OR4K17: variants seen among roughly 807,000 people sequenced by gnomAD.
OR4K17 encodes olfactory receptor family 4 subfamily K member 17, also known as olfactory receptor 4K17.
For synonymous variants in OR4K17, 157 were observed against 132.8 expected, an observed-to-expected ratio of 1.18 and a Z score of -1.25; for missense variants, 480 against 366.3, an observed-to-expected ratio of 1.31 and a Z score of -2.53.
Position 20,117,594 on chromosome 14 carries a change from C to A in OR4K17, c.95C>A (p.Ser32Ter), listed in dbSNP as rs150087607. The change falls in exon 2 of 2, where the codon TCG (serine) becomes TAG (stop). Residue 32 changes from serine (S) to a stop codon, truncating the protein, a stop_gained. Transcript: ENST00000641386. LOFTEE classifies it low-confidence loss of function (END_TRUNC). ...GAGTTTCTTCTCTTTGCCCTCTTCT[C>A]GGTTATCTATGTGGTCACAGTTTTG... ...DVEFLLFALF[S>*]VIYVVTVLGN... 6.2e-7 allele frequency: 1 copy of A among 1,613,898 alleles called. No homozygotes were observed. Among genetic ancestry groups the A allele is most frequent in the South Asian group, 1.1e-5 (1 of 91,042 alleles).
In OR4K17 at chr14:20,122,166, T is replaced by A. The variant is rs1461632115; in HGVS notation, c.*3728T>A. ...AATTATCTGAACAAAAGACACAGAG[T>A]GGCTAAATGAATAAAAAGATAAAAC... On this transcript the variant is annotated 3_prime_UTR_variant, in exon 2 of 2. Coordinates refer to ENST00000641386, the MANE Select transcript of OR4K17 (RefSeq NM_001004715.5). 1 of 151,876 alleles carries A rather than the reference T, an allele frequency of 6.6e-6. No individual in the cohort carries two copies. The highest frequency in any genetic ancestry group is 2.4e-5 in the African/African-American group (1 of 41,396). 9.4% of individuals were successfully genotyped at this position (151,876 alleles called of 1,614,324 possible).
At chr14:20,111,576 G>A (rs1045251476) in intron 1 of OR4K17, among the ~76,000 whole-genome samples, 1 of 152,094 alleles carries the variant, frequency 6.6e-6, no homozygotes, top group Non-Finnish European at 1.5e-5. Context: ...GAGCATGTAA[G>A]CATTTTTATC....
chr14:20,112,990 A>C (rs550555985), intron 1 of OR4K17, among the ~76,000 whole-genome samples: 22 of 152,170 alleles, frequency 1.4e-4, no homozygotes, highest in African/African-American at 4.6e-4. Flanking sequence ...TAAACTATGA[A>C]GATCAGATCA....
At chr14:20,113,843 T>C (rs1385933944) in intron 1 of OR4K17, among the ~76,000 whole-genome samples, 1 of 145,370 alleles carries the variant, frequency 6.9e-6, no homozygotes, top group Non-Finnish European at 1.5e-5. Context: ...AACATAAATA[T>C]AAACAAGAGA....
chr14:20,111,114 A>G (rs1877874086), intron 1 of OR4K17, among the ~76,000 whole-genome samples: 1 of 152,094 alleles, frequency 6.6e-6, no homozygotes, highest in Non-Finnish European at 1.5e-5. Context: ...TTCCTAGTAC[A>G]GAGTCCAGCA....
chr14:20,112,891 G>C (rs540147426), intron 1 of OR4K17, among the ~76,000 whole-genome samples: 34 of 152,144 alleles, frequency 2.2e-4, no homozygotes, highest in Non-Finnish European at 4.1e-4. Context: ...TGAATCCTGT[G>C]AAATAATGAT....
chr14:20,117,739 G>C lies in OR4K17; in HGVS notation c.240G>C (p.Lys80Asn). The change falls in exon 2 of 2, where the codon AAG becomes AAC. Residue 80 changes from lysine to asparagine, a missense_variant. Coordinates refer to ENST00000641386, the MANE Select transcript of OR4K17 (RefSeq NM_001004715.5). ...DMTLASFATP[K>N]VILNLLKKQK... ...CCCTTGCTTCTTTTGCCACCCCTAAGGTGATTCTGAACTTGTTAAAAAAGC... is the reference window on the plus strand; with the variant it reads ...CCCTTGCTTCTTTTGCCACCCCTAACGTGATTCTGAACTTGTTAAAAAAGC... 1.2e-6 allele frequency: 2 copies of C among 1,613,934 alleles called. No homozygotes were observed. Among genetic ancestry groups the C allele is most frequent in the South Asian group, 2.2e-5 (2 of 91,072 alleles).
intron 1 of OR4K17, among the ~76,000 whole-genome samples, chr14:20,114,341 C>A (rs1047856381): frequency 2.6e-5 from 4 of 151,840 alleles, no homozygotes; most frequent in Non-Finnish European, 5.9e-5. Context: ...CTCCTCTTCC[C>A]AGGAAATTTA....
At position 20,117,799 on chromosome 14, in the gene OR4K17, G is replaced by T. The variant is rs143881831; in HGVS notation, c.300G>T (p.Gln100His). ...KVISFAGCFT[Q>H]IFLLHLLGGV... Reference sequence around the variant, plus strand: ...TTTCTTTTGCTGGGTGCTTCACTCAGATATTTCTCCTTCACTTACTGGGTG... The same window carrying T: ...TTTCTTTTGCTGGGTGCTTCACTCATATATTTCTCCTTCACTTACTGGGTG... The change falls in exon 2 of 2, where the codon CAG becomes CAT. Residue 100 changes from glutamine (Q) to histidine (H), a missense_variant. Gln to His is a conservative substitution (Grantham distance 24). Transcript: ENST00000641386. The T allele has an allele frequency of 3.0e-5, 48 of 1,614,118 alleles. No homozygotes were observed. The East Asian group carries it at 8.9e-4, about 30-fold the overall frequency.
chr14:20,113,980 G>A (rs373809413), intron 1 of OR4K17, among the ~76,000 whole-genome samples: 28 of 152,098 alleles, frequency 1.8e-4, no homozygotes, highest in African/African-American at 5.5e-4. Context: ...AAGTACTATA[G>A]CAAGCAAGTG....
intron 1 of OR4K17, among the ~76,000 whole-genome samples, chr14:20,111,234 A>G (rs377518624): frequency 6.6e-6 from 1 of 152,046 alleles, no homozygotes; most frequent in Non-Finnish European, 1.5e-5. Flanking sequence ...AAACTAAAAT[A>G]GTTCACAAAC....
intron 1 of OR4K17, among the ~76,000 whole-genome samples, chr14:20,117,240 G>C (rs1445656269): frequency 1.3e-5 from 2 of 152,166 alleles, no homozygotes; most frequent in Non-Finnish European, 2.9e-5. Flanking sequence ...TCCAGAGCTT[G>C]TGGTTTGCTT....
intron 1 of OR4K17, among the ~76,000 whole-genome samples, chr14:20,114,357 A>G (rs1159950567): frequency 6.6e-6 from 1 of 151,990 alleles, no homozygotes; most frequent in Admixed American, 6.6e-5. Context: ...ATTTAGTTTT[A>G]CATATTGCAT....
In OR4K17 at chr14:20,117,625, C is replaced by A. The variant is rs558231474; in HGVS notation, c.126C>A (p.Asn42Lys). ...TCTATGTGGTCACAGTTTTGGGTAA[C>A]CTTCTTATTATAGTCACAGTGTTTA... Reference protein sequence around the residue: ...SVIYVVTVLGNLLIIVTVFNT... With the variant: ...SVIYVVTVLGKLLIIVTVFNT... The change falls in exon 2 of 2, where the codon AAC becomes AAA. Residue 42 changes from asparagine (N) to lysine (K), a missense_variant. Transcript: ENST00000641386. 8 of 1,613,788 alleles carry A rather than the reference C, an allele frequency of 5.0e-6. No individual in the cohort carries two copies. The highest frequency in any genetic ancestry group is 2.2e-5 in the South Asian group (2 of 91,054).
chr14:20,115,313 CTCTT>C (rs955521172), intron 1 of OR4K17, among the ~76,000 whole-genome samples: 27 of 151,968 alleles, frequency 1.8e-4, no homozygotes, highest in African/African-American at 6.5e-4. Context: ...CAAAAATAAT[CTCTT>C]TGTTAATAGT....
intron 1 of OR4K17, among the ~76,000 whole-genome samples, chr14:20,112,949 T>C (rs1192401197): frequency 6.6e-6 from 1 of 152,038 alleles, no homozygotes; most frequent in Non-Finnish European, 1.5e-5. Context: ...GGCATCCAAG[T>C]GTTCTCAATT....
Position 20,118,174 on chromosome 14 carries a change from T to C in OR4K17, c.675T>C (p.Ile225=). Residue 225 remains isoleucine (I), a synonymous_variant, in exon 2 of 2, where the codon ATT becomes ATC. Coordinates refer to ENST00000641386, the MANE Select transcript of OR4K17 (RefSeq NM_001004715.5). The part of the protein sequence containing the change: ...LISYSLILIT[I]KNHSPTGQSK... ...CCTACAGTCTGATCCTCATAACCAT[T>C]AAGAACCACTCTCCTACTGGGCAAT... 6.2e-7 allele frequency: 1 copy of C among 1,614,144 alleles called. No homozygotes were observed. Among genetic ancestry groups the C allele is most frequent in the Non-Finnish European group, 8.5e-7 (1 of 1,180,002 alleles).
chr14:20,119,903 G>A lies in OR4K17; in HGVS notation c.*1465G>A, dbSNP rs1268095947. On this transcript the variant is annotated 3_prime_UTR_variant, in exon 2 of 2. Coordinates refer to ENST00000641386, the MANE Select transcript of OR4K17 (RefSeq NM_001004715.5). ...TTATATTTTTAAAGGTTTCTCTTAA[G>A]TATAGAGTTATTAGCTACACTGAGA... is the stretch of plus-strand genomic sequence containing the variant. 2.0e-5 allele frequency: 3 copies of A among 152,098 alleles called. No homozygotes were observed. The highest frequency in any genetic ancestry group is 2.0e-4 in the Admixed American group (3 of 15,262). 9.4% of individuals were successfully genotyped at this position (152,098 alleles called of 1,614,324 possible).
chr14:20,116,001 G>C (rs1310123060), intron 1 of OR4K17, among the ~76,000 whole-genome samples: 1 of 152,090 alleles, frequency 6.6e-6, no homozygotes, highest in Admixed American at 6.6e-5. Flanking sequence ...TAGAATAATA[G>C]ATTCATAAAA....
Sources: gnomAD v4.1 joint callset for allele counts (sites outside exome capture counted in the v4.1 genomes callset) on GRCh38, gnomAD v4.1.1 for gene constraint, MANE v1.5 for transcripts, NCBI Gene and HGNC (gene_info 2026-07-23, HGNC 2026-07-21) for gene names.